Variants in KCNIP4 observed in about 807,000 individuals in gnomAD.
KCNIP4 encodes the protein potassium voltage-gated channel interacting protein 4.
KCNIP4 carries 12 observed loss-of-function variants against 34.0 expected under a neutral mutation model. The ratio of observed to expected loss-of-function variants is 0.35; its 90% CI spans 0.23 to 0.57. The LOEUF is 0.57. KCNIP4 is among the 20% of genes least tolerant of loss of function. KCNIP4 has a pLI of 0.83. For synonymous variants in KCNIP4, 124 were observed against 102.2 expected (o/e 1.21, Z -1.29); for missense variants, 238 against 311.7 (o/e 0.76, Z 1.78).
chr4:21,049,584 T>C (rs1423444722), intron 1 of KCNIP4, among the ~76,000 whole-genome samples: 2 of 152,348 alleles, frequency 1.3e-5, no homozygotes, highest in African/African-American at 2.4e-5. Context: ...CTTTACCCTC[T>C]TTCTGGTCAA....
chr4:21,285,685 CA>C (rs200170335), intron 1 of KCNIP4, among the ~76,000 whole-genome samples: 2 of 150,024 alleles, frequency 1.3e-5, no homozygotes, highest in Non-Finnish European at 1.5e-5. Context: ...AAAAACAAAA[CA>C]AAAAAAAAGC....
intron 1 of KCNIP4, among the ~76,000 whole-genome samples, chr4:21,350,539 T>C (rs1402730139): frequency 6.6e-6 from 1 of 152,172 alleles, no homozygotes; most frequent in African/African-American, 2.4e-5. Context: ...TAATTTAATG[T>C]GTCATGGAAA....
chr4:20,930,057 A>G (rs190863243), intron 1 of KCNIP4, among the ~76,000 whole-genome samples: 1 of 152,174 alleles, frequency 6.6e-6, no homozygotes, highest in South Asian at 2.1e-4. Flanking sequence ...ACATAAAAAC[A>G]GAATAGGCAA....
At chr4:21,478,169 T>C (rs1377259909) in intron 1 of KCNIP4, among the ~76,000 whole-genome samples, 1 of 152,168 alleles carries the variant, frequency 6.6e-6, no homozygotes, top group East Asian at 1.9e-4. Flanking sequence ...TTAATCTGGT[T>C]AATTTCCCAA....
chr4:21,241,223 G>T (rs1315851945), intron 1 of KCNIP4, among the ~76,000 whole-genome samples: 1 of 152,144 alleles, frequency 6.6e-6, no homozygotes, highest in African/African-American at 2.4e-5. Flanking sequence ...AAAAATTAGT[G>T]AGCAGATATA....
chr4:21,618,290 G>A (rs1402377442), intron 1 of KCNIP4, among the ~76,000 whole-genome samples: 7 of 151,942 alleles, frequency 4.6e-5, no homozygotes, highest in Middle Eastern at 3.2e-3. Flanking sequence ...ACTACTGTCC[G>A]GAACAATACT....
intron 1 of KCNIP4, among the ~76,000 whole-genome samples, chr4:21,255,159 G>C (rs1157964896): frequency 6.6e-6 from 1 of 151,980 alleles, no homozygotes; most frequent in African/African-American, 2.4e-5. Context: ...AGGGAGACGA[G>C]GCCCTACCTG....
intron 1 of KCNIP4, among the ~76,000 whole-genome samples, chr4:21,573,775 C>A (rs1230074357): frequency 1.3e-5 from 2 of 152,090 alleles, no homozygotes; most frequent in Non-Finnish European, 2.9e-5. Context: ...CCATTTTGAT[C>A]AATTTCCAAT....
chr4:21,103,333 TA>T (rs1219419164), intron 1 of KCNIP4, among the ~76,000 whole-genome samples: 1 of 146,368 alleles, frequency 6.8e-6, no homozygotes, highest in African/African-American at 2.5e-5. Context: ...AAAATATATA[TA>T]ATATATAATA....
chr4:21,642,482 C>T (rs918991138), intron 1 of KCNIP4, among the ~76,000 whole-genome samples: 1 of 152,084 alleles, frequency 6.6e-6, no homozygotes, highest in Non-Finnish European at 1.5e-5. Flanking sequence ...TACTTTGAAT[C>T]GATATCCAAA....
At chr4:21,750,563 G>C (rs999330564) in intron 1 of KCNIP4, among the ~76,000 whole-genome samples, 12 of 152,148 alleles carry the variant, frequency 7.9e-5, no homozygotes, top group Non-Finnish European at 8.8e-5. Flanking sequence ...TTTGAGGAAA[G>C]TGGCTAATTA....
rs35912916 is a variant in KCNIP4, at chr4:21,256,418, T to TAAA, written c.62-373712_62-373710dup. Among the ~76,000 whole-genome samples, 513 of 120,910 alleles carry TAAA rather than the reference T, an allele frequency of 4.2e-3. 4 individuals carry two copies. The highest frequency in any genetic ancestry group is 0.012 in the African/African-American group (373 of 31,898). The allele number at this position is 120,910 out of a possible 152,430, so 79.3% of individuals were successfully genotyped here. ...AACATAATGAGATCCCATCCCTGCT[T>TAAA]AAAAAAAAAAAAAAAAAAGGACAAA... is the stretch of plus-strand genomic sequence containing the variant. On this transcript the variant is annotated intron_variant, in intron 1 of 8. Transcript: ENST00000382152.
chr4:21,075,029 A>C (rs1270485846), intron 1 of KCNIP4, among the ~76,000 whole-genome samples: 2 of 152,134 alleles, frequency 1.3e-5, no homozygotes, highest in Non-Finnish European at 2.9e-5. Context: ...CTGTTCTTTT[A>C]CATTTGCTGA....
intron 1 of KCNIP4, among the ~76,000 whole-genome samples, chr4:21,536,110 G>T (rs547730763): frequency 1.2e-4 from 19 of 152,224 alleles, no homozygotes; most frequent in Non-Finnish European, 1.9e-4. Context: ...AGACAGGAAG[G>T]TTCAGCTGGG....
intron 1 of KCNIP4, among the ~76,000 whole-genome samples, chr4:21,360,795 A>G (rs1719138877): frequency 6.6e-6 from 1 of 152,114 alleles, no homozygotes; most frequent in African/African-American, 2.4e-5. Context: ...AACTTTTTAC[A>G]TTGAAATTAT....
At chr4:20,862,456 C>A (rs571095511) in intron 2 of KCNIP4, among the ~76,000 whole-genome samples, 11 of 151,954 alleles carry the variant, frequency 7.2e-5, no homozygotes, top group Non-Finnish European at 1.5e-4. Flanking sequence ...TAAAGACAGA[C>A]CAAAAGAGAT....
At chr4:20,890,297 G>A (rs1455012173) in intron 1 of KCNIP4, among the ~76,000 whole-genome samples, 1 of 152,150 alleles carries the variant, frequency 6.6e-6, no homozygotes, top group Non-Finnish European at 1.5e-5. Context: ...TATCAGATAT[G>A]AAGGAGGGAT....
intron 1 of KCNIP4, among the ~76,000 whole-genome samples, chr4:21,683,446 A>ATTTTTTTTTTGTTTTTTTTT (rs1750550317): frequency 2.1e-5 from 1 of 46,554 alleles, no homozygotes; most frequent in Non-Finnish European, 4.2e-5. Context: ...GTGAAGCCAG[A>ATTTTTTTTTTGTTTTTTTTT]TTTTTTTTTT....
chr4:20,971,234 G>A lies in KCNIP4; in HGVS notation c.62-88525C>T, dbSNP rs150527506. On this transcript the variant is annotated intron_variant, in intron 1 of 8. Coordinates refer to ENST00000382152, the MANE Select transcript of KCNIP4 (RefSeq NM_025221.6). ...AGGAGCCATAGAAGTTTCAGAGCCA[G>A]AGCCTCTTTTTTTCTGCCTGAGAAA... Among the ~76,000 whole-genome samples the A allele has an allele frequency of 1.1e-3, 168 of 152,332 alleles. 1 individual carries two copies. In the East Asian group the frequency reaches 0.027, roughly 24 times the overall value.
Sources: allele counts gnomAD v4.1 joint callset (sites outside exome capture counted in the v4.1 genomes callset), GRCh38; gene constraint gnomAD v4.1.1; transcripts MANE v1.5; gene names NCBI Gene and HGNC (gene_info 2026-07-23, HGNC 2026-07-21).